Variants in CHRNA3 observed in about 807,000 individuals in gnomAD.
CHRNA3 encodes cholinergic receptor nicotinic alpha 3 subunit.
CHRNA3 carries 34 observed loss-of-function variants against 41.9 expected under a neutral mutation model. The ratio of observed to expected loss-of-function variants is 0.81; its 90% confidence interval spans 0.62 to 1.08. The LOEUF (loss-of-function observed/expected upper bound fraction) is 1.08. Among genes scored for constraint, CHRNA3 ranks in the 50% least tolerant of loss-of-function variants. CHRNA3 has a pLI of 0.00. For synonymous variants in CHRNA3, 281 were observed against 265.2 expected (o/e 1.06, Z -0.58); for missense variants, 542 against 638.3 (o/e 0.85, Z 1.63).
At chr15:78,618,044 C>G (rs556859808) in intron 3 of CHRNA3, among the ~76,000 whole-genome samples, 1 of 152,136 alleles carries the variant, frequency 6.6e-6, no homozygotes, top group South Asian at 2.1e-4. Context: ...ATCAGGCGTT[C>G]GAGACCAGCC....
chr15:78,616,918 C>G (rs959062203), intron 4 of CHRNA3, 106 bp downstream of exon 4: 15 of 676,294 alleles, frequency 2.2e-5, no homozygotes, highest in African/African-American at 2.0e-4. Flanking sequence ...ATGAATGCAG[C>G]CTTCTTGGAA....
chr15:78,599,548 C>T (rs2053163996), intron 5 of CHRNA3, among the ~76,000 whole-genome samples: 1 of 151,342 alleles, frequency 6.6e-6, no homozygotes, highest in Non-Finnish European at 1.5e-5. Flanking sequence ...GATGCAGGTT[C>T]AGGGGGTCCC....
At position 78,620,714 on chromosome 15, in the gene CHRNA3, T is replaced by G. The variant is rs779422298; in HGVS notation, c.81A>C (p.Pro27=). The part of the protein sequence containing the change: ...LLLLLLLSLL[P]VARASEAEHR... ...GAGCCCTAACGCCTGTGCGCGTACC[T>G]GGCAGCAGAGACAGCAGCAGCAGCA... Residue 27 remains proline (P), a splice_region_variant and synonymous_variant, in exon 1 of 6, where the codon CCA becomes CCC. Coordinates refer to ENST00000326828, the MANE Select transcript of CHRNA3 (RefSeq NM_000743.5). 9 of 1,493,894 alleles carry G rather than the reference T, an allele frequency of 6.0e-6. No homozygotes were observed. Among genetic ancestry groups the G allele is most frequent in the South Asian group, 4.9e-5 (4 of 81,256 alleles). The allele number at this position is 1,493,894 out of a possible 1,614,324, so 92.5% of individuals were successfully genotyped here. A position where few individuals can be genotyped will look rare whatever the true frequency, so the allele number is the denominator to read the frequency against.
intron 5 of CHRNA3, chr15:78,599,802 G>A: frequency 6.9e-6 from 1 of 144,002 alleles, no homozygotes. Flanking sequence ...GATCACCTGA[G>A]GTCGGGAGTT....
chr15:78,601,841 G>A lies in CHRNA3; in HGVS notation c.801C>T (p.Ser267=), dbSNP rs771151569. The A allele has an allele frequency of 2.9e-5, 47 of 1,613,996 alleles. No homozygotes were observed. Among genetic ancestry groups the A allele is most frequent in the Non-Finnish European group, 3.2e-5 (38 of 1,180,032 alleles). Residue 267 remains serine (S), a synonymous_variant, in exon 5 of 6, where the codon TCC becomes TCT. Transcript: ENST00000326828. The part of the protein sequence containing the change: ...FLTVLVFYLP[S]DCGEKVTLCI... The stretch of plus-strand genomic sequence containing the variant: ...ACAGGGTCACCTTCTCACCGCAGTC[G>A]GAGGGCAGGTAGAAGACGAGCACAG...
intron 5 of CHRNA3, among the ~76,000 whole-genome samples, chr15:78,598,075 G>A (rs1338972374): frequency 6.6e-6 from 1 of 152,136 alleles, no homozygotes; most frequent in African/African-American, 2.4e-5. Flanking sequence ...TAAGGCTCTA[G>A]GAGGCAGAGG....
intron 4 of CHRNA3, among the ~76,000 whole-genome samples, chr15:78,610,663 G>C (rs2053366625): frequency 6.6e-6 from 1 of 151,416 alleles, no homozygotes; most frequent in Non-Finnish European, 1.5e-5. Context: ...ACAATTAAAA[G>C]AACTAGAAAA....
At position 78,596,731 on chromosome 15, in the gene CHRNA3, A is replaced by C. The variant is rs72648888; in HGVS notation, c.1391T>G (p.Ile464Ser). The C allele has an allele frequency of 6.2e-7, 1 of 1,600,168 alleles. No homozygotes were observed. ...NMKAQNEAKE[I>S]QDDWKYVAMV... ...GGCAACATACTTCCAATCATCTTGA[A>C]TCTGCAAAACAAAATGATAAAAGAA... The change falls in exon 6 of 6, where the codon ATT becomes AGT. Residue 464 changes from isoleucine to serine, a missense_variant and splice_region_variant. By Grantham distance (142) the Ile-to-Ser change is moderately radical. Transcript: ENST00000326828.
At chr15:78,597,355 C>T (rs148744260) in intron 5 of CHRNA3, among the ~76,000 whole-genome samples, 107 of 152,266 alleles carry the variant, frequency 7.0e-4, no homozygotes, top group African/African-American at 2.5e-3. Flanking sequence ...TTCTTGAACC[C>T]GGGAGGCGGA....
rs201005326 is a variant in CHRNA3 at position 78,618,690 on chromosome 15, G to A, written c.223-29C>T. The A allele has an allele frequency of 8.0e-5, 129 of 1,612,638 alleles. No homozygotes were observed. In the East Asian group the frequency reaches 2.0e-3, roughly 25 times the overall value. On this transcript the variant is annotated intron_variant, in intron 2 of 5. Transcript: ENST00000326828. ...GAAAGAGGAATTAAAGTTGACAGGA[G>A]AATTACAAAACAAGACTAATTCTGG...
rs2053540181 is a variant in CHRNA3 at position 78,620,833 on chromosome 15, G to A, written c.-39C>T. On this transcript the variant is annotated 5_prime_UTR_variant, in exon 1 of 6. Transcript: ENST00000326828. Reference sequence around the variant, plus strand: ...GCTGGCCGCGGACCCGGACGGTCGGGAGCGGGCGCGGCGGTCGCAGAGACG... The same window carrying A: ...GCTGGCCGCGGACCCGGACGGTCGGAAGCGGGCGCGGCGGTCGCAGAGACG... 1.5e-6 allele frequency: 2 copies of A among 1,339,570 alleles called. No individual in the cohort carries two copies. The highest frequency in any genetic ancestry group is 6.3e-5 in the East Asian group (2 of 31,684). 83.0% of individuals were successfully genotyped at this position (1,339,570 alleles called of 1,614,324 possible). A position where few individuals can be genotyped will look rare whatever the true frequency, so the allele number is the denominator to read the frequency against.
At chr15:78,618,735 C>G in intron 2 of CHRNA3, 41 bp downstream of exon 2, 1 of 1,614,154 alleles carries the variant, frequency 6.2e-7, no homozygotes, top group Non-Finnish European at 8.5e-7. Flanking sequence ...CTCCAGAAGC[C>G]CCGGTCCCCA....
intron 3 of CHRNA3, among the ~76,000 whole-genome samples, chr15:78,618,216 C>T (rs1388780269): frequency 2.0e-5 from 3 of 151,820 alleles, no homozygotes; most frequent in Admixed American, 6.6e-5. Flanking sequence ...CACAGCACTC[C>T]GGCCTGGGTG....
chr15:78,603,569 T>G (rs929875044), intron 4 of CHRNA3, among the ~76,000 whole-genome samples: 1 of 152,210 alleles, frequency 6.6e-6, no homozygotes, highest in Non-Finnish European at 1.5e-5. Context: ...GCCATACTCC[T>G]TTGCCTTGTA....
intron 4 of CHRNA3, among the ~76,000 whole-genome samples, chr15:78,616,073 G>A (rs1305908038): frequency 4.0e-4 from 30 of 74,220 alleles, no homozygotes; most frequent in Non-Finnish European, 2.4e-4. Context: ...GCTCATTGGG[G>A]CTGGGCATGG....
intron 4 of CHRNA3, among the ~76,000 whole-genome samples, chr15:78,605,903 T>C (rs1010962739): frequency 3.9e-5 from 6 of 152,256 alleles, no homozygotes; most frequent in African/African-American, 1.2e-4. Context: ...TGGCCATGCA[T>C]TGAGACAAGT....
chr15:78,619,794 G>A (rs1168244311), intron 1 of CHRNA3: 1 of 152,254 alleles, frequency 6.6e-6, no homozygotes, highest in Non-Finnish European at 1.5e-5. Flanking sequence ...GGGGAAGCGG[G>A]AGGAGAATCC....
intron 4 of CHRNA3, among the ~76,000 whole-genome samples, chr15:78,611,540 T>G (rs1446478306): frequency 6.6e-6 from 1 of 152,032 alleles, no homozygotes; most frequent in Non-Finnish European, 1.5e-5. Flanking sequence ...CTAAAAACTC[T>G]CAATAAATTA....
chr15:78,608,497 C>T (rs1216081052), intron 4 of CHRNA3, among the ~76,000 whole-genome samples: 2 of 152,204 alleles, frequency 1.3e-5, no homozygotes, highest in Admixed American at 6.5e-5. Flanking sequence ...CTAGCAAACT[C>T]CAACAGACCT....
Sources: gnomAD v4.1 joint callset for allele counts (sites outside exome capture counted in the v4.1 genomes callset) on GRCh38, gnomAD v4.1.1 for gene constraint, MANE v1.5 for transcripts, NCBI Gene and HGNC (gene_info 2026-07-23, HGNC 2026-07-21) for gene names.